Variants in PCDHA1 observed in about 807,000 individuals in gnomAD.
The protein encoded by PCDHA1 is protocadherin alpha-1.
Under a neutral mutation model 61.3 loss-of-function variants are expected in PCDHA1, and 42 were observed. The ratio of observed to expected loss-of-function variants is 0.69; its 90% CI spans 0.54 to 0.89. The LOEUF is 0.89. PCDHA1 is among the 40% of genes least tolerant of loss of function. The pLI is 0.00. For missense variants in PCDHA1, 1,256 were observed against 1,235.3 expected (o/e 1.02, Z -0.25); for synonymous variants, 610 against 553.8 (o/e 1.10, Z -1.43).
intron 1 of PCDHA1, chr5:140,834,282 AC>A (rs1772883613): frequency 8.7e-7 from 1 of 1,147,956 alleles, no homozygotes; most frequent in Non-Finnish European, 1.2e-6. Flanking sequence ...CTTTGGATGC[AC>A]AACAATGGCC....
intron 1 of PCDHA1, among the ~76,000 whole-genome samples, chr5:140,951,313 T>C (rs1554219855): frequency 1.3e-5 from 2 of 152,194 alleles, no homozygotes; most frequent in Non-Finnish European, 2.9e-5. Flanking sequence ...TAATGTGTTA[T>C]TCTTGAGATT....
intron 1 of PCDHA1, chr5:140,968,410 T>G: frequency 6.2e-7 from 1 of 1,614,040 alleles, no homozygotes. Context: ...TCTTTGTGAC[T>G]GTGGAGGCTC....
In PCDHA1 at chr5:140,857,075, A is replaced by C. The variant is rs782381292; in HGVS notation, c.2394+68391A>C. On this transcript the variant is annotated intron_variant, in intron 1 of 3. Coordinates refer to ENST00000504120, the MANE Select transcript of PCDHA1 (RefSeq NM_018900.4). ...GGTCCTAGTGGAACTACTGGATGAA[A>C]ATGATAATTCACCTGAGGTGATTGT... is the stretch of plus-strand genomic sequence containing the variant. 10 of 1,597,052 alleles carry C rather than the reference A, an allele frequency of 6.3e-6. 1 individual carries two copies. The highest frequency in any genetic ancestry group is 8.6e-6 in the Non-Finnish European group (10 of 1,166,684).
rs782301019 is a variant in PCDHA1 at position 140,876,753 on chromosome 5, G to T, written c.2394+88069G>T. On this transcript the variant is annotated intron_variant, in intron 1 of 3. Coordinates refer to ENST00000504120, the MANE Select transcript of PCDHA1 (RefSeq NM_018900.4). ...CGGCCTATGAGCTGGTGGTGACTGC[G>T]CGGGATGGGGGCTCGCCTTCGCTGT... is the stretch of plus-strand genomic sequence containing the variant. 1.1e-5 allele frequency: 17 copies of T among 1,614,128 alleles called. No homozygotes were observed. In the Admixed American group the frequency reaches 2.8e-4, roughly 27 times the overall value.
intron 1 of PCDHA1, among the ~76,000 whole-genome samples, chr5:140,879,982 T>A (rs1554171120): frequency 1.3e-5 from 2 of 152,226 alleles, no homozygotes; most frequent in Non-Finnish European, 2.9e-5. Context: ...CCTTTCAAGA[T>A]CCTTAACTTA....
At chr5:140,885,313 A>G (rs2060560221) in intron 1 of PCDHA1, among the ~76,000 whole-genome samples, 1 of 152,144 alleles carries the variant, frequency 6.6e-6, no homozygotes, top group East Asian at 1.9e-4. Flanking sequence ...GCTTTTTGTT[A>G]TTATTTCTTT....
At chr5:140,870,554 A>C (rs1554164402) in intron 1 of PCDHA1, 1 of 1,614,044 alleles carries the variant, frequency 6.2e-7, no homozygotes, top group African/African-American at 1.3e-5. Context: ...GCGGACGCGC[A>C]GGAGAACGCG....
intron 1 of PCDHA1, among the ~76,000 whole-genome samples, chr5:140,905,354 A>T (rs926429746): frequency 3.3e-5 from 5 of 152,030 alleles, no homozygotes; most frequent in Non-Finnish European, 5.9e-5. Context: ...TAAGTATTTG[A>T]CTATATTTCT....
intron 1 of PCDHA1, among the ~76,000 whole-genome samples, chr5:140,956,442 T>A (rs557521776): frequency 2.6e-5 from 4 of 152,362 alleles, no homozygotes; most frequent in African/African-American, 9.6e-5. Flanking sequence ...GCTTATGTGA[T>A]GAATTACATT....
intron 3 of PCDHA1, among the ~76,000 whole-genome samples, chr5:140,996,588 G>A (rs1031631617): frequency 3.2e-4 from 49 of 152,082 alleles, no homozygotes; most frequent in Admixed American, 2.0e-3. Flanking sequence ...AACAAGGGCC[G>A]CCTCCCCCCA....
chr5:140,809,702 TAA>T, intron 1 of PCDHA1: 2 of 1,127,900 alleles, frequency 1.8e-6, no homozygotes, highest in Non-Finnish European at 2.5e-6. Flanking sequence ...CCATTTTAAC[TAA>T]AGTCTTTTGG....
At chr5:140,803,309 C>G in intron 1 of PCDHA1, 4 of 1,614,164 alleles carry the variant, frequency 2.5e-6, no homozygotes, top group Non-Finnish European at 3.4e-6. Context: ...TCGTCGCCAT[C>G]TGCGCGGTGT....
At chr5:140,860,700 G>C (rs573827394) in intron 1 of PCDHA1, 1 of 152,300 alleles carries the variant, frequency 6.6e-6, no homozygotes, top group South Asian at 2.1e-4. Flanking sequence ...ACAGGATATT[G>C]TTGTTCTCCA....
chr5:140,905,163 G>A (rs782288723), intron 1 of PCDHA1, among the ~76,000 whole-genome samples: 30 of 152,274 alleles, frequency 2.0e-4, no homozygotes, highest in African/African-American at 7.0e-4. Flanking sequence ...AATTTTCATG[G>A]TTTCAGGTTT....
intron 1 of PCDHA1, chr5:140,863,483 G>A: frequency 4.3e-6 from 2 of 464,772 alleles, no homozygotes; most frequent in Non-Finnish European, 8.6e-6. Context: ...CGCCTCCCAA[G>A]GTCAACATTA....
At chr5:140,897,339 C>G (rs1373496877) in intron 1 of PCDHA1, among the ~76,000 whole-genome samples, 14 of 121,352 alleles carry the variant, frequency 1.2e-4, no homozygotes, top group African/African-American at 4.4e-4. Context: ...CCCCCTCCCC[C>G]CACCCCACAA....
At chr5:140,819,877 T>G (rs911767845) in intron 1 of PCDHA1, among the ~76,000 whole-genome samples, 1 of 152,046 alleles carries the variant, frequency 6.6e-6, no homozygotes, top group African/African-American at 2.4e-5. Flanking sequence ...TACTCAGTAT[T>G]TATCATAATA....
chr5:140,879,002 AG>A (rs1278268880), intron 1 of PCDHA1, among the ~76,000 whole-genome samples: 2 of 152,270 alleles, frequency 1.3e-5, no homozygotes, highest in African/African-American at 4.8e-5. Context: ...AGTATGCCCT[AG>A]AAATCAGATA....
At chr5:140,824,187 C>T (rs2150133010) in intron 1 of PCDHA1, 10 of 1,603,156 alleles carry the variant, frequency 6.2e-6, no homozygotes, top group African/African-American at 1.3e-5. Context: ...TTAAATGTCA[C>T]ATTCACCCAC....
Sources: gnomAD v4.1 joint callset for allele counts (sites outside exome capture counted in the v4.1 genomes callset) on GRCh38, gnomAD v4.1.1 for gene constraint, MANE v1.5 for transcripts, NCBI Gene and HGNC (gene_info 2026-07-23, HGNC 2026-07-21) for gene names.